Variants in RPTOR observed in about 807,000 individuals in gnomAD.
The protein encoded by RPTOR is regulatory associated protein of MTOR complex 1, also known as regulatory-associated protein of mTOR.
In RPTOR, 21 loss-of-function variants were observed where a neutral mutation model predicts 169.9. The observed-to-expected ratio is 0.12, with a 90% CI of 0.09 to 0.18. The LOEUF (loss-of-function observed/expected upper bound fraction) is 0.18, where lower values mean the gene tolerates loss of function less well. RPTOR is among the 10% of genes least tolerant of loss of function. The pLI is 1.00. For missense variants in RPTOR, 1,133 were observed against 1,855.9 expected, an observed-to-expected ratio of 0.61 and a Z score of 7.16; for synonymous variants, 732 against 753.2, an observed-to-expected ratio of 0.97 and a Z score of 0.46.
intron 6 of RPTOR, among the ~76,000 whole-genome samples, chr17:80,768,653 T>G (rs1282406023): frequency 6.6e-6 from 1 of 152,106 alleles, no homozygotes; most frequent in Non-Finnish European, 1.5e-5. Context: ...TCATCATCAC[T>G]ATGTTCCAGA....
chr17:80,930,463 CTCATCCCCAG>C (rs2068881654), intron 24 of RPTOR, among the ~76,000 whole-genome samples: 1 of 138,896 alleles, frequency 7.2e-6, no homozygotes, highest in Non-Finnish European at 1.6e-5. Flanking sequence ...TCATCCCCAG[CTCATCCCCAG>C]CTCATCCCCA....
intron 24 of RPTOR, among the ~76,000 whole-genome samples, chr17:80,929,646 A>C (rs1394024491): frequency 6.6e-6 from 1 of 152,126 alleles, no homozygotes; most frequent in Non-Finnish European, 1.5e-5. Context: ...GTGGATGCGG[A>C]AGCTGCACTG....
rs1166994140 is a variant in RPTOR, at chr17:80,842,042, A to ACGGCAGCTCACACTCACGGCG, written c.1212+4047_1212+4067dup. Among the ~76,000 whole-genome samples the ACGGCAGCTCACACTCACGGCG allele has an allele frequency of 8.6e-5, 13 of 152,044 alleles. No individual in the cohort carries two copies. In the East Asian group the frequency reaches 2.5e-3, roughly 29 times the overall value. ...CCACACGGCAGCTCACTCTCACCAC[A>ACGGCAGCTCACACTCACGGCG]CGGCAGCTCACACTCACGGCGCTGC... On this transcript the variant is annotated intron_variant, in intron 10 of 33. Coordinates refer to ENST00000306801, the MANE Select transcript of RPTOR (RefSeq NM_020761.3).
rs2068153651 is a variant in RPTOR at position 80,878,970 on chromosome 17, C to T, written c.1510-1445C>T. Reference sequence around the variant, plus strand: ...TCTAGGGGCCCGTCCCTCCTCCTTCCCCAGGCCCCGTCCCCCGCCTTGCCC... The same window carrying T: ...TCTAGGGGCCCGTCCCTCCTCCTTCTCCAGGCCCCGTCCCCCGCCTTGCCC... On this transcript the variant is annotated intron_variant, in intron 13 of 33. Coordinates refer to ENST00000306801, the MANE Select transcript of RPTOR (RefSeq NM_020761.3). This position sits in a 1 kb window ranked among gnomAD's most constrained non-coding sequence, Gnocchi z 4.1. Among the ~76,000 whole-genome samples the T allele has an allele frequency of 6.6e-6, 1 of 152,138 alleles. No homozygotes were observed. Among genetic ancestry groups the T allele is most frequent in the African/African-American group, 2.4e-5 (1 of 41,436 alleles).
chr17:80,653,047 A>G (rs2065653049), intron 3 of RPTOR, among the ~76,000 whole-genome samples: 1 of 152,176 alleles, frequency 6.6e-6, no homozygotes, highest in Non-Finnish European at 1.5e-5. Flanking sequence ...AGGAGTCTCT[A>G]TTCAAGTCCT....
chr17:80,834,343 A>G (rs1275812736), intron 9 of RPTOR, among the ~76,000 whole-genome samples: 1 of 151,854 alleles, frequency 6.6e-6, no homozygotes, highest in Non-Finnish European at 1.5e-5. Context: ...TCCTCCTCTC[A>G]TGTAGACAGC....
At chr17:80,685,055 T>C (rs2065926552) in intron 3 of RPTOR, among the ~76,000 whole-genome samples, 1 of 143,092 alleles carries the variant, frequency 7.0e-6, no homozygotes, top group Non-Finnish European at 1.5e-5. Flanking sequence ...ATGTAGTTTT[T>C]TTCTAGTTAT....
intron 6 of RPTOR, among the ~76,000 whole-genome samples, chr17:80,763,443 A>G (rs897522490): frequency 7.9e-5 from 12 of 152,196 alleles, no homozygotes; most frequent in African/African-American, 2.9e-4. Flanking sequence ...GAAAGCAGGA[A>G]GGTATATACT....
intron 14 of RPTOR, among the ~76,000 whole-genome samples, chr17:80,881,971 A>T (rs772456945): frequency 2.6e-5 from 4 of 152,248 alleles, no homozygotes; most frequent in Non-Finnish European, 5.9e-5. Context: ...TCATCCTCAG[A>T]AACGATTGAT....
chr17:80,918,933 ATCC>A (rs2068712769), intron 21 of RPTOR, among the ~76,000 whole-genome samples: 1 of 151,938 alleles, frequency 6.6e-6, no homozygotes, highest in African/African-American at 2.4e-5. Flanking sequence ...CCATCTCACC[ATCC>A]TCTGTGGAAA....
At chr17:80,657,637 T>C (rs1290406760) in intron 3 of RPTOR, among the ~76,000 whole-genome samples, 1 of 152,202 alleles carries the variant, frequency 6.6e-6, no homozygotes, top group Non-Finnish European at 1.5e-5. Flanking sequence ...GCTGGTTCTG[T>C]CGAGTGGCCA....
At chr17:80,863,696 C>T (rs1388458116) in intron 13 of RPTOR, among the ~76,000 whole-genome samples, 2 of 152,214 alleles carry the variant, frequency 1.3e-5, no homozygotes, top group Non-Finnish European at 2.9e-5. Flanking sequence ...AGACAGATCA[C>T]TTGAGTAACC....
intron 5 of RPTOR, among the ~76,000 whole-genome samples, chr17:80,748,674 C>T (rs1408968922): frequency 5.6e-5 from 5 of 89,270 alleles, no homozygotes; most frequent in South Asian, 9.9e-4. Flanking sequence ...GGAGGGACTG[C>T]GGTGTGTGTT....
intron 11 of RPTOR, among the ~76,000 whole-genome samples, chr17:80,847,551 G>T (rs1225158362): frequency 6.6e-6 from 1 of 152,238 alleles, no homozygotes; most frequent in East Asian, 1.9e-4. Flanking sequence ...GGACTTTGGC[G>T]AGGAGCTGTG....
intron 6 of RPTOR, among the ~76,000 whole-genome samples, chr17:80,774,855 A>T (rs971867419): frequency 6.6e-6 from 1 of 152,308 alleles, no homozygotes. Flanking sequence ...TCCTCAAGTC[A>T]TTCATCATTC....
At chr17:80,895,691 CG>C (rs1360157293) in intron 20 of RPTOR, among the ~76,000 whole-genome samples, 1 of 152,228 alleles carries the variant, frequency 6.6e-6, no homozygotes, top group Non-Finnish European at 1.5e-5. Flanking sequence ...TTGTAGATGT[CG>C]CCCCAGGCCT....
At chr17:80,747,258 C>A (rs978300466) in intron 5 of RPTOR, among the ~76,000 whole-genome samples, 1 of 152,138 alleles carries the variant, frequency 6.6e-6, no homozygotes, top group Non-Finnish European at 1.5e-5. Context: ...GGTTCTAATA[C>A]CCCTAAAGCA....
chr17:80,551,406 G>A (rs550785532), intron 1 of RPTOR, among the ~76,000 whole-genome samples: 12 of 152,290 alleles, frequency 7.9e-5, no homozygotes, highest in African/African-American at 2.2e-4. Flanking sequence ...GTGTTTCTCC[G>A]AGAGGGGGAT....
At chr17:80,910,745 G>C (rs2068602492) in intron 21 of RPTOR, among the ~76,000 whole-genome samples, 1 of 151,984 alleles carries the variant, frequency 6.6e-6, no homozygotes, top group African/African-American at 2.4e-5. Context: ...TTATACTTCT[G>C]TGGCTTTCGG....
Sources: gnomAD v4.1 joint callset for allele counts (sites outside exome capture counted in the v4.1 genomes callset) on GRCh38, gnomAD v4.1.1 for gene constraint, Gnocchi (gnomAD v3.1) non-coding constraint, MANE v1.5 for transcripts, NCBI Gene and HGNC (gene_info 2026-07-23, HGNC 2026-07-21) for gene names.